TNPO2: variants seen among roughly 807,000 people sequenced by gnomAD.
The protein encoded by TNPO2 is transportin 2, also known as transportin-2.
TNPO2 carries 16 observed loss-of-function variants against 111.1 expected under a neutral mutation model. That is an observed-to-expected ratio of 0.14 (90% confidence interval 0.10 to 0.22). The LOEUF is 0.22. TNPO2 is among the 10% of genes least tolerant of loss of function. TNPO2 has a pLI of 1.00. For synonymous variants in TNPO2, 481 were observed against 475.8 expected, an observed-to-expected ratio of 1.01 and a Z score of -0.14; for missense variants, 530 against 1,173.7, an observed-to-expected ratio of 0.45 and a Z score of 8.01.
chr19:12,707,911 C>A (rs2025794810), intron 13 of TNPO2, among the ~76,000 whole-genome samples: 1 of 152,010 alleles, frequency 6.6e-6, no homozygotes, highest in Admixed American at 6.6e-5. Flanking sequence ...ACCTCCGCCT[C>A]CCTGATTCAA....
intron 10 of TNPO2, among the ~76,000 whole-genome samples, chr19:12,714,592 G>A (rs1225360453): frequency 6.6e-6 from 1 of 152,128 alleles, no homozygotes; most frequent in African/African-American, 2.4e-5. Flanking sequence ...GATTACAGGT[G>A]TCAGCCACCA....
rs748127989 is a variant in TNPO2 at position 12,719,369 on chromosome 19, G to A, written c.100-33C>T. On this transcript the variant is annotated intron_variant, in intron 3 of 25. Coordinates refer to ENST00000425528, the MANE Select transcript of TNPO2 (RefSeq NM_001382241.1). This position sits in a 1 kb window ranked among gnomAD's most constrained non-coding sequence, Gnocchi z 5.0. Reference sequence around the variant, plus strand: ...GCTGTTAAGGGACTTGGAAGACAGAGGCCTTCCCCCAGCCAGGTCCCCTCA... The same window carrying A: ...GCTGTTAAGGGACTTGGAAGACAGAAGCCTTCCCCCAGCCAGGTCCCCTCA... 6 of 1,594,574 alleles carry A rather than the reference G, an allele frequency of 3.8e-6. No homozygotes were observed. The African/African-American group carries it at 8.0e-5, about 21-fold the overall frequency.
At position 12,710,747 on chromosome 19, in the gene TNPO2, C is replaced by T; in HGVS notation, c.1144G>A (p.Val382Ile). ...LRKCSAAALD[V>I]LANVFREELL... The stretch of plus-strand genomic sequence containing the variant: ...TCCTCCCGGAAGACATTGGCGAGGA[C>T]GTCCAGTGCAGCCGCTGAGCACTTC... Residue 382 changes from valine (V) to isoleucine (I), a missense_variant, in exon 13 of 26, where the codon GTC becomes ATC. This residue lies in a region of TNPO2 where 88 missense variants were observed against 130.2 expected (regional missense o/e 0.68). Coordinates refer to ENST00000425528, the MANE Select transcript of TNPO2 (RefSeq NM_001382241.1). The T allele has an allele frequency of 6.2e-7, 1 of 1,612,618 alleles. No individual in the cohort carries two copies. Among genetic ancestry groups the T allele is most frequent in the Non-Finnish European group, 8.5e-7 (1 of 1,179,368 alleles).
At chr19:12,720,593 T>A (rs563278188) in intron 3 of TNPO2, among the ~76,000 whole-genome samples, 1 of 152,210 alleles carries the variant, frequency 6.6e-6, no homozygotes, top group Non-Finnish European at 1.5e-5. Context: ...AGTGCTCCGA[T>A]TACAGGCATG....
Position 12,705,764 on chromosome 19 carries a change from T to C in TNPO2, c.1673A>G (p.Tyr558Cys). 6.8e-7 allele frequency: 1 copy of C among 1,462,366 alleles called. No individual in the cohort carries two copies. Among genetic ancestry groups the C allele is most frequent in the Non-Finnish European group, 9.1e-7 (1 of 1,103,402 alleles). 90.6% of individuals were successfully genotyped at this position (1,462,366 alleles called of 1,614,324 possible). A position where few individuals can be genotyped will look rare whatever the true frequency, so the allele number is the denominator to read the frequency against. Reference sequence around the variant, plus strand: ...CAGTGGGGGCATCAGCTTCTGGATGTATTCCTGGAGAGGGAGCACGAAATG... The same window carrying C: ...CAGTGGGGGCATCAGCTTCTGGATGCATTCCTGGAGAGGGAGCACGAAATG... ...SVGHHLNQPE[Y>C]IQKLMPPLIQ... The change falls in exon 16 of 26, where the codon TAC (tyrosine) becomes TGC (cysteine). Residue 558 changes from tyrosine to cysteine, a missense_variant. Around this residue, in one of 4 missense-constraint regions of TNPO2, gnomAD observed 183 missense variants for 481.0 expected, o/e 0.38. Transcript: ENST00000425528. The surrounding 1 kb of genome is among the most constrained non-coding windows in gnomAD (Gnocchi z 7.2).
Position 12,705,009 on chromosome 19 carries a change from A to G in TNPO2, c.2022+231T>C, listed in dbSNP as rs1186248662. The stretch of plus-strand genomic sequence containing the variant: ...TCTATTTTCAATACTGTTTGCTTTA[A>G]AAAAAATTTTTTTTTTTAATTTTAG... On this transcript the variant is annotated intron_variant, in intron 18 of 25. Coordinates refer to ENST00000425528, the MANE Select transcript of TNPO2 (RefSeq NM_001382241.1). This position sits in a 1 kb window ranked among gnomAD's most constrained non-coding sequence, Gnocchi z 7.2. 6.6e-6 allele frequency among the ~76,000 whole-genome samples: 1 copy of G among 151,958 alleles called. No homozygotes were observed. Among genetic ancestry groups the G allele is most frequent in the Non-Finnish European group, 1.5e-5 (1 of 67,990 alleles).
Position 12,705,217 on chromosome 19 carries a change from C to T in TNPO2, c.2022+23G>A. On this transcript the variant is annotated intron_variant, in intron 18 of 25. Coordinates refer to ENST00000425528, the MANE Select transcript of TNPO2 (RefSeq NM_001382241.1). The surrounding 1 kb of genome is among the most constrained non-coding windows in gnomAD (Gnocchi z 7.2). ...GCCCACGCAGGCTGCTGGGTGTCAT[C>T]ACTGTCCAGGGTCCCCACCCACCTG... The T allele has an allele frequency of 6.3e-7, 1 of 1,591,438 alleles. No individual in the cohort carries two copies. Among genetic ancestry groups the T allele is most frequent in the South Asian group, 1.1e-5 (1 of 87,718 alleles).
chr19:12,717,847 A>AT (rs1043794933), intron 5 of TNPO2, among the ~76,000 whole-genome samples: 1 of 144,066 alleles, frequency 6.9e-6, no homozygotes, highest in Non-Finnish European at 1.5e-5. Flanking sequence ...TTCCCAAGTA[A>AT]TTTTTTGTAT....
rs1407043017 is a variant in TNPO2, at chr19:12,711,449, C to T, written c.964G>A (p.Glu322Lys). Residue 322 changes from glutamate (E) to lysine (K), a missense_variant, in exon 12 of 26, where the codon GAG (glutamate) becomes AAG (lysine). Glu to Lys is a moderately conservative substitution (Grantham distance 56). Coordinates refer to ENST00000425528, the MANE Select transcript of TNPO2 (RefSeq NM_001382241.1). ...DIILLKGDVE[E>K]DEAVPDSEQD... The stretch of plus-strand genomic sequence containing the variant: ...TCACTGTCGGGGACAGCCTCATCCT[C>T]CTCCACATCCCCCTGGGGGACAGGC... 1 of 1,613,988 alleles carries T rather than the reference C, an allele frequency of 6.2e-7. No individual in the cohort carries two copies. The highest frequency in any genetic ancestry group is 2.2e-5 in the East Asian group (1 of 44,878).
rs746851618 is a variant in TNPO2, at chr19:12,715,222, A to C, written c.648+21T>G. On this transcript the variant is annotated intron_variant, in intron 8 of 25. Transcript: ENST00000425528. This position sits in a 1 kb window ranked among gnomAD's most constrained non-coding sequence, Gnocchi z 7.1. ...GGGGCCCTCAGTCCTCGCCCTGCCCACCCCCAGCCCAGCGGCCCACCTCGA... is the reference window on the plus strand; with the variant it reads ...GGGGCCCTCAGTCCTCGCCCTGCCCCCCCCCAGCCCAGCGGCCCACCTCGA... The C allele has an allele frequency of 1.9e-6, 3 of 1,613,140 alleles. No individual in the cohort carries two copies. The highest frequency in any genetic ancestry group is 1.6e-4 in the Middle Eastern group (1 of 6,082).
At chr19:12,718,813 G>A (rs575224402) in intron 5 of TNPO2, among the ~76,000 whole-genome samples, 16 of 152,194 alleles carry the variant, frequency 1.1e-4, no homozygotes, top group Non-Finnish European at 2.2e-4. Flanking sequence ...GTTCCAGAGC[G>A]TGGCCCTGCA....
At position 12,710,793 on chromosome 19, in the gene TNPO2, G is replaced by A. The variant is rs2025992379; in HGVS notation, c.1118-20C>T. 2 of 1,599,064 alleles carry A rather than the reference G, an allele frequency of 1.3e-6. No individual in the cohort carries two copies. The highest frequency in any genetic ancestry group is 2.7e-5 in the African/African-American group (2 of 74,382). Reference sequence around the variant, plus strand: ...ACTTCCCTGGGGAAGGGGGAACAATGGGGAGGCTCAGGGCGGCCCCTCAGG... The same window carrying A: ...ACTTCCCTGGGGAAGGGGGAACAATAGGGAGGCTCAGGGCGGCCCCTCAGG... On this transcript the variant is annotated intron_variant, in intron 12 of 25. Coordinates refer to ENST00000425528, the MANE Select transcript of TNPO2 (RefSeq NM_001382241.1).
At chr19:12,707,816 T>A (rs907573039) in intron 13 of TNPO2, among the ~76,000 whole-genome samples, 3 of 151,714 alleles carry the variant, frequency 2.0e-5, no homozygotes, top group South Asian at 2.1e-4. Context: ...TTTAATTTTT[T>A]AATTTATTAT....
intron 20 of TNPO2, 144 bp from the exon 21 acceptor site, chr19:12,703,062 G>A: frequency 5.6e-6 from 4 of 711,822 alleles, no homozygotes; most frequent in South Asian, 1.8e-5. Context: ...GACCTTCTCC[G>A]GCTAATCCCC....
In TNPO2 at chr19:12,702,378, T is replaced by C; in HGVS notation, c.2306-201A>G. ...CTATCTTTCTTTCTTTCCTTTCCCT[T>C]TCCTTTTTGTTTTTTTTTGTTTTGT... On this transcript the variant is annotated intron_variant, in intron 21 of 25. Coordinates refer to ENST00000425528, the MANE Select transcript of TNPO2 (RefSeq NM_001382241.1). The surrounding 1 kb of genome is among the most constrained non-coding windows in gnomAD (Gnocchi z 5.5). 1 of 688,478 alleles carries C rather than the reference T, an allele frequency of 1.5e-6. No homozygotes were observed. Among genetic ancestry groups the C allele is most frequent in the Non-Finnish European group, 2.6e-6 (1 of 377,788 alleles). 42.6% of individuals were successfully genotyped at this position (688,478 alleles called of 1,614,324 possible).
chr19:12,703,626 A>G (rs1486384282), intron 19 of TNPO2, 88 bp downstream of exon 19: 8 of 1,569,524 alleles, frequency 5.1e-6, no homozygotes, highest in Non-Finnish European at 7.0e-6. Flanking sequence ...ATACATCCCA[A>G]TGTGGTCACA....
chr19:12,703,320 C>T, intron 20 of TNPO2, 108 bp downstream of exon 20: 1 of 1,010,076 alleles, frequency 9.9e-7, no homozygotes, highest in Non-Finnish European at 1.5e-6. Flanking sequence ...CCCTGACGAC[C>T]CCCAAGAGAC....
chr19:12,713,031 G>A (rs149441280), intron 10 of TNPO2, among the ~76,000 whole-genome samples: 6 of 152,276 alleles, frequency 3.9e-5, no homozygotes, highest in South Asian at 2.1e-4. Context: ...GATTATAGGC[G>A]TGAGCCATGG....
Position 12,705,840 on chromosome 19 carries a change from G to T in TNPO2, c.1669-72C>A. 1 of 1,132,350 alleles carries T rather than the reference G, an allele frequency of 8.8e-7. No homozygotes were observed. The highest frequency in any genetic ancestry group is 1.2e-6 in the Non-Finnish European group (1 of 812,472). The allele number at this position is 1,132,350 out of a possible 1,614,324, so 70.1% of individuals were successfully genotyped here. A position where few individuals can be genotyped will look rare whatever the true frequency, so the allele number is the denominator to read the frequency against. On this transcript the variant is annotated intron_variant, in intron 15 of 25. Transcript: ENST00000425528. This position sits in a 1 kb window ranked among gnomAD's most constrained non-coding sequence, Gnocchi z 7.2. ...ACTGTGACTCAGGTACCTGTTGCCC[G>T]AGTGATGAGGCCTGAGCGCCTCACC...
Sources: allele counts gnomAD v4.1 joint callset (sites outside exome capture counted in the v4.1 genomes callset), GRCh38; gene constraint gnomAD v4.1.1; regional missense constraint gnomAD v4.1.1; non-coding constraint Gnocchi (gnomAD v3.1); transcripts MANE v1.5; gene names NCBI Gene and HGNC (gene_info 2026-07-23, HGNC 2026-07-21).